PLPPR1: variants seen among roughly 807,000 people sequenced by gnomAD.
PLPPR1 encodes phospholipid phosphatase-related protein type 1.
In PLPPR1, 10 loss-of-function variants were observed where a neutral mutation model predicts 33.1. That is an observed-to-expected ratio of 0.30 (90% CI 0.19 to 0.51). The LOEUF (loss-of-function observed/expected upper bound fraction) is 0.51. Among genes scored for constraint, PLPPR1 ranks in the 20% least tolerant of loss-of-function variants. The probability of loss-of-function intolerance (pLI) is 0.97; values close to 1 mark genes in which losing one functional copy is unlikely to be tolerated. For missense variants in PLPPR1, 304 were observed against 408.1 expected, an observed-to-expected ratio of 0.74 and a Z score of 2.20; for synonymous variants, 151 against 151.0, an observed-to-expected ratio of 1.00 and a Z score of 0.00.
chr9:101,051,949 GT>G (rs1830228275), intron 1 of PLPPR1, among the ~76,000 whole-genome samples: 1 of 152,154 alleles, frequency 6.6e-6, no homozygotes, highest in African/African-American at 2.4e-5. Context: ...ATTTTAGTAT[GT>G]AATGAGACAT....
Position 101,297,220 on chromosome 9 carries a change from AT to A in PLPPR1, c.385+10991del, listed in dbSNP as rs1337946841. Among the ~76,000 whole-genome samples the A allele has an allele frequency of 1.3e-4, 19 of 151,172 alleles. No individual in the cohort carries two copies. In the East Asian group the frequency reaches 3.5e-3, roughly 28 times the overall value. ...GAAATCAGAAAAAGAACTAAAGATA[AT>A]TTTTTTAAAGAGTGAGGGCAGAATA... On this transcript the variant is annotated intron_variant, in intron 4 of 7. Coordinates refer to ENST00000374874, the MANE Select transcript of PLPPR1 (RefSeq NM_207299.2).
chr9:101,135,620 G>C (rs963997963), intron 1 of PLPPR1, among the ~76,000 whole-genome samples: 1 of 152,144 alleles, frequency 6.6e-6, no homozygotes, highest in African/African-American at 2.4e-5. Flanking sequence ...CTGGTTTGGA[G>C]TTTATATTCT....
chr9:101,209,002 C>CTAAT (rs1340595364), intron 2 of PLPPR1, among the ~76,000 whole-genome samples: 1 of 152,196 alleles, frequency 6.6e-6, no homozygotes, highest in Non-Finnish European at 1.5e-5. Context: ...AGCTCAGAAA[C>CTAAT]TAATAAACTG....
At chr9:101,169,857 C>T (rs1825914128) in intron 1 of PLPPR1, among the ~76,000 whole-genome samples, 1 of 151,162 alleles carries the variant, frequency 6.6e-6, no homozygotes, top group African/African-American at 2.4e-5. Flanking sequence ...CTTCCAAATA[C>T]TTTATTTTTC....
intron 1 of PLPPR1, among the ~76,000 whole-genome samples, chr9:101,059,693 T>C (rs1830320700): frequency 6.6e-6 from 1 of 152,078 alleles, no homozygotes; most frequent in South Asian, 2.1e-4. Flanking sequence ...GATTTACAAA[T>C]GGCCATCAGG....
At chr9:101,293,695 G>C (rs1042787226) in intron 4 of PLPPR1, among the ~76,000 whole-genome samples, 1 of 152,094 alleles carries the variant, frequency 6.6e-6, no homozygotes, top group Non-Finnish European at 1.5e-5. Flanking sequence ...ACCTGCTCCT[G>C]AATGACTACT....
At chr9:101,257,144 A>G (rs1013587900) in intron 2 of PLPPR1, among the ~76,000 whole-genome samples, 1 of 152,244 alleles carries the variant, frequency 6.6e-6, no homozygotes, top group South Asian at 2.1e-4. Context: ...AGAATCTTCC[A>G]GTAACAAAAT....
At chr9:101,169,784 A>C (rs1825912985) in intron 1 of PLPPR1, among the ~76,000 whole-genome samples, 1 of 152,134 alleles carries the variant, frequency 6.6e-6, no homozygotes, top group African/African-American at 2.4e-5. Flanking sequence ...ATTCAATAGA[A>C]TCATCTCTCT....
At chr9:101,081,501 T>C (rs1317153009) in intron 1 of PLPPR1, among the ~76,000 whole-genome samples, 1 of 152,158 alleles carries the variant, frequency 6.6e-6, no homozygotes, top group Non-Finnish European at 1.5e-5. Flanking sequence ...CCAATGCATG[T>C]ATTTAATTCA....
intron 7 of PLPPR1, among the ~76,000 whole-genome samples, chr9:101,321,807 GTA>G (rs1033223256): frequency 4.7e-5 from 7 of 147,428 alleles, no homozygotes; most frequent in African/African-American, 1.5e-4. Context: ...ACATATATAA[GTA>G]TATATATATG....
At chr9:101,232,478 T>C (rs1827209132) in intron 2 of PLPPR1, among the ~76,000 whole-genome samples, 2 of 144,248 alleles carry the variant, frequency 1.4e-5, no homozygotes, top group South Asian at 4.4e-4. Context: ...CTTCCTCCTC[T>C]TTTTTTTTTT....
chr9:101,082,877 T>C (rs1265876680), intron 1 of PLPPR1, among the ~76,000 whole-genome samples: 1 of 152,158 alleles, frequency 6.6e-6, no homozygotes, highest in Non-Finnish European at 1.5e-5. Flanking sequence ...GCTGTGAAGA[T>C]TAAATAAGCA....
At chr9:101,059,964 C>T (rs1372337199) in intron 1 of PLPPR1, among the ~76,000 whole-genome samples, 1 of 152,096 alleles carries the variant, frequency 6.6e-6, no homozygotes, top group Non-Finnish European at 1.5e-5. Context: ...AATCCCACTA[C>T]TGGGTATATA....
At chr9:101,270,986 C>G (rs998113059) in intron 3 of PLPPR1, among the ~76,000 whole-genome samples, 3 of 151,958 alleles carry the variant, frequency 2.0e-5, no homozygotes, top group Non-Finnish European at 4.4e-5. Context: ...ATATTCAGTT[C>G]GAATATTAGT....
intron 2 of PLPPR1, among the ~76,000 whole-genome samples, chr9:101,238,347 AGGTG>A: frequency 2.0e-5 from 2 of 101,762 alleles, no homozygotes; most frequent in African/African-American, 9.2e-5. Context: ...CTATATATAG[AGGTG>A]TATATATATA....
chr9:101,061,316 T>G (rs1194064001), intron 1 of PLPPR1, among the ~76,000 whole-genome samples: 1 of 151,984 alleles, frequency 6.6e-6, no homozygotes, highest in Non-Finnish European at 1.5e-5. Flanking sequence ...CTTCATCCCA[T>G]TAACTTTCAT....
intron 1 of PLPPR1, among the ~76,000 whole-genome samples, chr9:101,094,463 C>T (rs1411866351): frequency 6.6e-6 from 1 of 152,108 alleles, no homozygotes; most frequent in Non-Finnish European, 1.5e-5. Flanking sequence ...CCTCACCAAA[C>T]CCATGCATAA....
At chr9:101,323,007 T>A (rs1334251118) in intron 7 of PLPPR1, among the ~76,000 whole-genome samples, 1 of 152,164 alleles carries the variant, frequency 6.6e-6, no homozygotes, top group Non-Finnish European at 1.5e-5. Flanking sequence ...TCTATACATT[T>A]TGAAATAATA....
intron 1 of PLPPR1, among the ~76,000 whole-genome samples, chr9:101,182,678 T>C (rs1184238776): frequency 2.6e-5 from 4 of 151,494 alleles, no homozygotes; most frequent in Non-Finnish European, 1.5e-5. Flanking sequence ...TTCACCTCAA[T>C]CAATGAAAAA....
Sources: gnomAD v4.1 joint callset for allele counts (sites outside exome capture counted in the v4.1 genomes callset) on GRCh38, gnomAD v4.1.1 for gene constraint, MANE v1.5 for transcripts, NCBI Gene and HGNC (gene_info 2026-07-23, HGNC 2026-07-21) for gene names.